Variants in TMEM108 observed in about 807,000 individuals in gnomAD.
TMEM108 encodes the protein cancer/testis antigen 124.
In TMEM108, 12 loss-of-function variants were observed where a neutral mutation model predicts 35.1. The observed-to-expected ratio is 0.34, with a 90% confidence interval of 0.22 to 0.55. The LOEUF (loss-of-function observed/expected upper bound fraction) is 0.55, where lower values mean the gene tolerates loss of function less well. Ranked by LOEUF, TMEM108 falls within the 20% of genes least tolerant of loss-of-function variation. TMEM108 has a pLI of 0.89. For synonymous variants in TMEM108, 287 were observed against 308.6 expected (o/e 0.93, Z 0.73); for missense variants, 680 against 753.3 (o/e 0.90, Z 1.14).
intron 3 of TMEM108, among the ~76,000 whole-genome samples, chr3:133,375,223 A>G (rs2072798952): frequency 6.6e-6 from 1 of 152,218 alleles, no homozygotes; most frequent in Non-Finnish European, 1.5e-5. Context: ...GCAGGCAGCC[A>G]ACCAAATAAA....
At position 133,382,682 on chromosome 3, in the gene TMEM108, G is replaced by C. The variant is rs571622932; in HGVS notation, c.1450+1521G>C. 2.4e-4 allele frequency among the ~76,000 whole-genome samples: 37 copies of C among 152,328 alleles called. No homozygotes were observed. The South Asian group carries it at 7.5e-3, about 31-fold the overall frequency. The stretch of plus-strand genomic sequence containing the variant: ...TCTCAAGAGGAACAAAGCCCCGAAG[G>C]CTTCCCTCAGGGAAGGCTGCTGAGC... On this transcript the variant is annotated intron_variant, in intron 4 of 5. Coordinates refer to ENST00000321871, the MANE Select transcript of TMEM108 (RefSeq NM_023943.4).
chr3:133,135,588 G>T (rs533628998), intron 2 of TMEM108, among the ~76,000 whole-genome samples: 5 of 152,254 alleles, frequency 3.3e-5, no homozygotes, highest in African/African-American at 1.2e-4. Flanking sequence ...TTTTAGGCCG[G>T]GGACTGGCAT....
At chr3:133,138,169 T>G (rs542094063) in intron 2 of TMEM108, among the ~76,000 whole-genome samples, 1 of 151,962 alleles carries the variant, frequency 6.6e-6, no homozygotes, top group Non-Finnish European at 1.5e-5. Flanking sequence ...GAAAATAAAA[T>G]GAAGATCTAG....
At chr3:133,169,505 G>C (rs1054828681) in intron 2 of TMEM108, among the ~76,000 whole-genome samples, 4 of 152,240 alleles carry the variant, frequency 2.6e-5, no homozygotes, top group Non-Finnish European at 4.4e-5. Flanking sequence ...GAATGCTGCA[G>C]ATTTCTGAGC....
chr3:133,182,577 T>C lies in TMEM108; in HGVS notation c.-46-46689T>C, dbSNP rs575869689. ...TTCATGATAAGGCAATTTCCTTTCA[T>C]GTTTTAGTAACCTTAAACATTGGCT... On this transcript the variant is annotated intron_variant, in intron 2 of 5. Transcript: ENST00000321871. 3.9e-5 allele frequency among the ~76,000 whole-genome samples: 6 copies of C among 152,360 alleles called. No individual in the cohort carries two copies. The South Asian group carries it at 1.2e-3, about 32-fold the overall frequency.
In TMEM108 at chr3:133,362,493, A is replaced by T. The variant is rs540122770; in HGVS notation, c.41-17259A>T. ...ATGGTGCAGGGGCTTCTTTGGACTC[A>T]TGTCCCTCTCTATGACCCTACTGAA... On this transcript the variant is annotated intron_variant, in intron 3 of 5. Transcript: ENST00000321871. Among the ~76,000 whole-genome samples, 3 of 152,308 alleles carry T rather than the reference A, an allele frequency of 2.0e-5. No homozygotes were observed. The East Asian group carries it at 5.8e-4, about 29-fold the overall frequency.
intron 2 of TMEM108, among the ~76,000 whole-genome samples, chr3:133,076,870 G>A (rs1402451): frequency 0.24 from 35,832 of 152,146 alleles, 4,720 homozygotes; most frequent in African/African-American, 0.36. Flanking sequence ...GGTCACATAC[G>A]GGGATCCAGA....
At chr3:133,178,378 T>G in intron 2 of TMEM108, among the ~76,000 whole-genome samples, 1 of 152,164 alleles carries the variant, frequency 6.6e-6, no homozygotes, top group Admixed American at 6.5e-5. Context: ...AGAACAAAGC[T>G]GGAGGCATCA....
intron 3 of TMEM108, among the ~76,000 whole-genome samples, chr3:133,317,834 C>G (rs2071218772): frequency 6.6e-6 from 1 of 151,902 alleles, no homozygotes; most frequent in South Asian, 2.1e-4. Context: ...AGGGGAAAGA[C>G]TAGTGAACAG....
chr3:133,202,680 A>G (rs922212585), intron 2 of TMEM108, among the ~76,000 whole-genome samples: 2 of 151,846 alleles, frequency 1.3e-5, no homozygotes, highest in South Asian at 2.1e-4. Context: ...GTACCATGCT[A>G]TTTTGGTTAC....
chr3:133,175,449 G>A (rs942827111), intron 2 of TMEM108, among the ~76,000 whole-genome samples: 2 of 150,448 alleles, frequency 1.3e-5, no homozygotes, highest in African/African-American at 4.9e-5. Flanking sequence ...ACAAAGGGAA[G>A]CCCATCAGAC....
At chr3:133,205,032 A>G (rs1451193424) in intron 2 of TMEM108, among the ~76,000 whole-genome samples, 2 of 152,018 alleles carry the variant, frequency 1.3e-5, no homozygotes, top group African/African-American at 4.8e-5. Flanking sequence ...TTCTTGTTGC[A>G]TTGATCCCTT....
At chr3:133,039,482 T>G (rs867866927) in intron 1 of TMEM108, among the ~76,000 whole-genome samples, 1 of 152,146 alleles carries the variant, frequency 6.6e-6, no homozygotes, top group East Asian at 1.9e-4. Flanking sequence ...GGGAGATGGA[T>G]TGTTGCCTTT....
chr3:133,126,468 GC>G (rs949950495), intron 2 of TMEM108, among the ~76,000 whole-genome samples: 10 of 138,204 alleles, frequency 7.2e-5, no homozygotes, highest in African/African-American at 2.2e-4. Context: ...CTTTGTCCCC[GC>G]CCCCCCCAGA....
chr3:133,386,679 T>C, intron 4 of TMEM108: 1 of 1,398,740 alleles, frequency 7.1e-7, no homozygotes, highest in Non-Finnish European at 9.3e-7. Context: ...AGTTGAAGCT[T>C]TTCAACTAAA....
At chr3:133,362,008 AC>A (rs1050508688) in intron 3 of TMEM108, among the ~76,000 whole-genome samples, 2 of 151,290 alleles carry the variant, frequency 1.3e-5, no homozygotes, top group Non-Finnish European at 2.9e-5. Context: ...TCCTATCACC[AC>A]CCCCCCACCT....
At chr3:133,281,648 G>C (rs1946914298) in intron 3 of TMEM108, among the ~76,000 whole-genome samples, 1 of 152,238 alleles carries the variant, frequency 6.6e-6, no homozygotes, top group South Asian at 2.1e-4. Context: ...GCATGCTACA[G>C]TGAGCAGCGG....
At chr3:133,392,057 C>T (rs1170430669) in intron 5 of TMEM108, among the ~76,000 whole-genome samples, 1 of 152,164 alleles carries the variant, frequency 6.6e-6, no homozygotes, top group African/African-American at 2.4e-5. Context: ...GGCTCTCCCC[C>T]AGCTCCCATT....
intron 3 of TMEM108, among the ~76,000 whole-genome samples, chr3:133,338,519 C>A (rs190776440): frequency 6.9e-4 from 105 of 152,208 alleles, no homozygotes; most frequent in Non-Finnish European, 1.1e-3. Flanking sequence ...TAAGGGATTT[C>A]ATCAACATTA....
Sources: allele counts gnomAD v4.1 joint callset (sites outside exome capture counted in the v4.1 genomes callset), GRCh38; gene constraint gnomAD v4.1.1; transcripts MANE v1.5; gene names NCBI Gene and HGNC (gene_info 2026-07-23, HGNC 2026-07-21).